NFYA: variants seen among roughly 807,000 people sequenced by gnomAD.
The protein encoded by NFYA is nuclear transcription factor Y subunit alpha.
NFYA carries 28 observed loss-of-function variants against 52.8 expected under a neutral mutation model. The observed-to-expected ratio is 0.53, with a 90% CI of 0.39 to 0.73. The LOEUF is 0.73. Ranked by LOEUF, NFYA falls within the 30% of genes least tolerant of loss-of-function variation. The pLI, the probability that NFYA is intolerant of heterozygous loss-of-function variation, is 0.00. For synonymous variants in NFYA, 150 were observed against 150.7 expected (o/e 1.00, Z 0.03); for missense variants, 234 against 427.0 (o/e 0.55, Z 3.98).
chr6:41,080,053 G>C (rs138234829), intron 2 of NFYA, among the ~76,000 whole-genome samples: 1,542 of 152,268 alleles, frequency 0.01, 11 homozygotes, highest in Middle Eastern at 0.034. Flanking sequence ...TGCCCTGGAG[G>C]GTGGGTTTTT....
chr6:41,095,741 C>A (rs1442001144), intron 9 of NFYA, among the ~76,000 whole-genome samples: 3 of 152,128 alleles, frequency 2.0e-5, no homozygotes, highest in Non-Finnish European at 4.4e-5. Flanking sequence ...CTTTTCTTTA[C>A]AGTGTAATAA....
chr6:41,093,998 G>A (rs1764275420), intron 8 of NFYA, among the ~76,000 whole-genome samples: 1 of 152,144 alleles, frequency 6.6e-6, no homozygotes, highest in South Asian at 2.1e-4. Flanking sequence ...CCAACAGCAA[G>A]GGTGTCAGAG....
chr6:41,096,089 G>GT (rs901306654), intron 9 of NFYA, among the ~76,000 whole-genome samples: 23 of 151,976 alleles, frequency 1.5e-4, no homozygotes, highest in African/African-American at 4.3e-4. Context: ...TGGTTAAAGT[G>GT]TTTTTTTTAA....
At chr6:41,093,834 T>C (rs1764267770) in intron 8 of NFYA, among the ~76,000 whole-genome samples, 1 of 152,214 alleles carries the variant, frequency 6.6e-6, no homozygotes, top group African/African-American at 2.4e-5. Flanking sequence ...CGGAATTTAG[T>C]TACCTGATCA....
At chr6:41,077,319 CACAATGAAGATATAAA>C (rs1319582297) in intron 1 of NFYA, among the ~76,000 whole-genome samples, 1 of 152,030 alleles carries the variant, frequency 6.6e-6, no homozygotes, top group African/African-American at 2.4e-5. Flanking sequence ...CAACTGCTAC[CACAATGAAGATATAAA>C]ACATTTTCAT....
At chr6:41,094,578 C>A in intron 9 of NFYA, 81 bp downstream of exon 9, 1 of 1,013,536 alleles carries the variant, frequency 9.9e-7, no homozygotes, top group Non-Finnish European at 1.5e-6. Context: ...TGTCCTCTTG[C>A]TATTTTCCTA....
chr6:41,094,308 A>T, intron 8 of NFYA, 88 bp from the exon 9 acceptor site: 1 of 1,154,164 alleles, frequency 8.7e-7, no homozygotes, highest in Non-Finnish European at 1.3e-6. Context: ...CAGCTGTCTT[A>T]AACTTTGGAG....
intron 6 of NFYA, among the ~76,000 whole-genome samples, chr6:41,091,182 G>A (rs1308171731): frequency 1.3e-5 from 2 of 152,342 alleles, no homozygotes; most frequent in African/African-American, 2.4e-5. Flanking sequence ...TAAAATCTCT[G>A]TCCTGAAGCA....
At position 41,080,888 on chromosome 6, in the gene NFYA, C is replaced by T; in HGVS notation, c.153C>T (p.Thr51=). The stretch of plus-strand genomic sequence containing the variant: ...CCGCCTCAGGCCAGCAAGTCCAGAC[C>T]CTCCAGGTAGTGGTACCCTCTCTGA... ...VASASGQQVQ[T]LQVVQGQPLM... is the part of the protein sequence containing the mutation. The change falls in exon 3 of 10, where the codon ACC becomes ACT. Residue 51 remains threonine, a synonymous_variant. Coordinates refer to ENST00000341376, the MANE Select transcript of NFYA (RefSeq NM_002505.5). 2 of 1,613,704 alleles carry T rather than the reference C, an allele frequency of 1.2e-6. No individual in the cohort carries two copies. Among genetic ancestry groups the T allele is most frequent in the Non-Finnish European group, 1.7e-6 (2 of 1,179,610 alleles).
At chr6:41,073,467 C>T (rs1431165794) in intron 1 of NFYA, among the ~76,000 whole-genome samples, 2 of 152,030 alleles carry the variant, frequency 1.3e-5, no homozygotes, top group Admixed American at 1.3e-4. Context: ...TGGGCCTCGG[C>T]GATTTCCTCC....
At chr6:41,075,574 T>C (rs1196592730) in intron 1 of NFYA, 1 of 152,208 alleles carries the variant, frequency 6.6e-6, no homozygotes, top group Non-Finnish European at 1.5e-5. Flanking sequence ...TAGTCCACTG[T>C]TCACATGCTG....
chr6:41,082,050 T>C (rs1763924982), intron 3 of NFYA, among the ~76,000 whole-genome samples: 1 of 152,208 alleles, frequency 6.6e-6, no homozygotes. Context: ...CCCTACTTTT[T>C]CCCTCCATTG....
Position 41,078,922 on chromosome 6 carries a change from C to A in NFYA, c.-61-107C>A, listed in dbSNP as rs1763829169. ...ATATAAGCATTTCCTATTCTCCTATCCTGTTTTCTTGCAAATAAAGTACAG... is the reference window on the plus strand; with the variant it reads ...ATATAAGCATTTCCTATTCTCCTATACTGTTTTCTTGCAAATAAAGTACAG... On this transcript the variant is annotated intron_variant, in intron 1 of 9. Coordinates refer to ENST00000341376, the MANE Select transcript of NFYA (RefSeq NM_002505.5). 10 of 554,802 alleles carry A rather than the reference C, an allele frequency of 1.8e-5. No individual in the cohort carries two copies. The South Asian group carries it at 2.7e-4, about 15-fold the overall frequency. 34.4% of individuals were successfully genotyped at this position (554,802 alleles called of 1,614,324 possible). A position where few individuals can be genotyped will look rare whatever the true frequency, so the allele number is the denominator to read the frequency against.
intron 3 of NFYA, among the ~76,000 whole-genome samples, chr6:41,082,811 A>G (rs878927001): frequency 6.6e-6 from 1 of 152,226 alleles, no homozygotes; most frequent in Non-Finnish European, 1.5e-5. Context: ...AAGAGATAGC[A>G]TGAGAGAGTC....
chr6:41,079,810 A>G (rs185256529), intron 2 of NFYA, among the ~76,000 whole-genome samples: 2 of 152,312 alleles, frequency 1.3e-5, no homozygotes, highest in East Asian at 3.9e-4. Context: ...ATTTGACCTT[A>G]GGCCAAGATT....
At chr6:41,078,710 G>GA (rs1763812325) in intron 1 of NFYA, among the ~76,000 whole-genome samples, 1 of 152,160 alleles carries the variant, frequency 6.6e-6, no homozygotes, top group African/African-American at 2.4e-5. Flanking sequence ...GTGCAAACCT[G>GA]AAAATCAGTG....
intron 4 of NFYA, among the ~76,000 whole-genome samples, chr6:41,085,782 C>T (rs1764029316): frequency 6.6e-6 from 1 of 150,840 alleles, no homozygotes; most frequent in Admixed American, 6.6e-5. Flanking sequence ...TCATAATGTT[C>T]AGTCAACTTG....
At chr6:41,086,098 G>T (rs552688773) in intron 4 of NFYA, among the ~76,000 whole-genome samples, 1 of 152,188 alleles carries the variant, frequency 6.6e-6, no homozygotes, top group African/African-American at 2.4e-5. Context: ...TATCCTTTCT[G>T]TTCTTCTCTC....
rs780518600 is a variant in NFYA at position 41,097,403 on chromosome 6, T to C, written c.1037T>C (p.Val346Ala). ...DEEAMTQIIR[V>A]S Reference sequence around the variant, plus strand: ...GAAGCAATGACACAGATCATCCGAGTGTCCTAACCCCACGCCATGTGATGG... The same window carrying C: ...GAAGCAATGACACAGATCATCCGAGCGTCCTAACCCCACGCCATGTGATGG... Residue 346 changes from valine (V) to alanine (A), a missense_variant, in exon 10 of 10, where the codon GTG becomes GCG. By Grantham distance (64) the Val-to-Ala change is moderately conservative. Around this residue, in one of 3 missense-constraint regions of NFYA, gnomAD observed 35 missense variants for 34.2 expected, o/e 1.02. Coordinates refer to ENST00000341376, the MANE Select transcript of NFYA (RefSeq NM_002505.5). 1.2e-6 allele frequency: 2 copies of C among 1,613,966 alleles called. No individual in the cohort carries two copies. Among genetic ancestry groups the C allele is most frequent in the East Asian group, 2.2e-5 (1 of 44,882 alleles).
Sources: allele counts gnomAD v4.1 joint callset (sites outside exome capture counted in the v4.1 genomes callset), GRCh38; gene constraint gnomAD v4.1.1; regional missense constraint gnomAD v4.1.1; transcripts MANE v1.5; gene names NCBI Gene and HGNC (gene_info 2026-07-23, HGNC 2026-07-21).